Variants in TMEM131 observed in about 807,000 individuals in gnomAD.
The protein encoded by TMEM131 is 2610524E03Rik.
Under a neutral mutation model 211.6 loss-of-function variants are expected in TMEM131, and 66 were observed. The ratio of observed to expected loss-of-function variants is 0.31; its 90% CI spans 0.26 to 0.38. The LOEUF is 0.38. Ranked by LOEUF, TMEM131 falls within the 10% of genes least tolerant of loss-of-function variation. TMEM131 has a pLI of 1.00. For synonymous variants in TMEM131, 844 were observed against 841.3 expected (o/e 1.00, Z -0.06); for missense variants, 2,036 against 2,299.3 (o/e 0.89, Z 2.34).
intron 40 of TMEM131, among the ~76,000 whole-genome samples, chr2:97,758,201 C>T (rs1678609572): frequency 1.3e-5 from 2 of 151,816 alleles, no homozygotes; most frequent in Admixed American, 1.3e-4. Context: ...AAACATAAGG[C>T]TGAATAATTA....
intron 4 of TMEM131, among the ~76,000 whole-genome samples, chr2:97,885,960 C>T (rs1390432889): frequency 6.6e-6 from 1 of 151,994 alleles, no homozygotes; most frequent in Non-Finnish European, 1.5e-5. Flanking sequence ...GCTTTCTTCA[C>T]CCTTTTTTCT....
chr2:97,761,297 G>A (rs542444446), intron 36 of TMEM131: 7 of 177,924 alleles, frequency 3.9e-5, no homozygotes, highest in Non-Finnish European at 7.2e-5. Context: ...GCCAGGACAC[G>A]GCGAGGTGCT....
chr2:97,924,331 T>C (rs1676887031), intron 2 of TMEM131, among the ~76,000 whole-genome samples: 1 of 152,144 alleles, frequency 6.6e-6, no homozygotes, highest in African/African-American at 2.4e-5. Flanking sequence ...TGCAGTGAGC[T>C]GTCATTGCGC....
chr2:97,995,416 C>T, intron 1 of TMEM131, 60 bp downstream of exon 1: 1 of 1,301,122 alleles, frequency 7.7e-7, no homozygotes, highest in South Asian at 2.2e-5. Context: ...CCAGCCCTCC[C>T]GGCCTCCGCG....
chr2:97,823,286 T>C (rs1302758358), intron 11 of TMEM131, among the ~76,000 whole-genome samples: 2 of 152,114 alleles, frequency 1.3e-5, no homozygotes, highest in Admixed American at 6.5e-5. Context: ...CTTCAAGCTG[T>C]AGGGGGAGAG....
chr2:97,787,199 C>T (rs767768065), intron 31 of TMEM131, among the ~76,000 whole-genome samples: 1 of 152,170 alleles, frequency 6.6e-6, no homozygotes, highest in African/African-American at 2.4e-5. Context: ...ACATTTACTT[C>T]GTCTTTATCT....
intron 4 of TMEM131, among the ~76,000 whole-genome samples, chr2:97,875,395 C>A (rs1674652925): frequency 6.6e-6 from 1 of 152,168 alleles, no homozygotes; most frequent in South Asian, 2.1e-4. Flanking sequence ...AACTCTCCAC[C>A]CCTAATCAAC....
At chr2:97,920,968 CGAGTGT>C (rs1345298041) in intron 2 of TMEM131, among the ~76,000 whole-genome samples, 5 of 101,534 alleles carry the variant, frequency 4.9e-5, no homozygotes, top group Admixed American at 1.0e-4. Context: ...TAAAAAATCC[CGAGTGT>C]GTGTGTGTGT....
intron 1 of TMEM131, among the ~76,000 whole-genome samples, chr2:97,964,083 C>T (rs1678936584): frequency 6.6e-6 from 1 of 152,146 alleles, no homozygotes. Context: ...CATTCACATT[C>T]CTGAATGTTC....
intron 18 of TMEM131, among the ~76,000 whole-genome samples, chr2:97,810,458 A>T (rs1681499007): frequency 6.6e-6 from 1 of 151,984 alleles, no homozygotes; most frequent in Admixed American, 6.6e-5. Flanking sequence ...TTATAATTAC[A>T]TTTTTTTTCC....
chr2:97,804,482 G>T (rs1221625936), intron 22 of TMEM131, among the ~76,000 whole-genome samples: 1 of 151,986 alleles, frequency 6.6e-6, no homozygotes, highest in Admixed American at 6.6e-5. Context: ...GGCCAACATG[G>T]TGAAACCCTA....
At chr2:97,970,484 T>C (rs879015765) in intron 1 of TMEM131, among the ~76,000 whole-genome samples, 4 of 152,260 alleles carry the variant, frequency 2.6e-5, no homozygotes, top group Admixed American at 6.5e-5. Flanking sequence ...CTATTAAGCA[T>C]GTTTATGCCC....
chr2:97,757,448 G>A (rs1166568517), intron 40 of TMEM131, 65 bp from the exon 41 acceptor site: 10 of 1,503,554 alleles, frequency 6.7e-6, no homozygotes, highest in African/African-American at 1.4e-5. Context: ...GGGTAAGGGG[G>A]TAAGGCTACA....
chr2:97,812,348 G>A, intron 17 of TMEM131, 73 bp downstream of exon 17: 1 of 1,471,246 alleles, frequency 6.8e-7, no homozygotes. Context: ...GATACATGTA[G>A]CATAGCAATG....
intron 3 of TMEM131, among the ~76,000 whole-genome samples, chr2:97,903,701 ATTTATTTT>A (rs1400217356): frequency 6.6e-6 from 1 of 152,070 alleles, no homozygotes; most frequent in Non-Finnish European, 1.5e-5. Context: ...TTATTTATTT[ATTTATTTT>A]GAGAGGGAGT....
chr2:97,919,838 G>A (rs1176762144), intron 2 of TMEM131, among the ~76,000 whole-genome samples: 1 of 152,294 alleles, frequency 6.6e-6, no homozygotes, highest in Admixed American at 6.5e-5. Context: ...CCAAAGTACT[G>A]GGATTACAGG....
At chr2:97,809,309 C>G (rs192899613) in intron 19 of TMEM131, among the ~76,000 whole-genome samples, 1 of 152,208 alleles carries the variant, frequency 6.6e-6, no homozygotes, top group Non-Finnish European at 1.5e-5. Context: ...CCCTGTTGAG[C>G]TTGCGCCCTG....
intron 1 of TMEM131, among the ~76,000 whole-genome samples, chr2:97,940,847 T>C (rs1024164518): frequency 6.6e-6 from 1 of 150,876 alleles, no homozygotes; most frequent in Non-Finnish European, 1.5e-5. Flanking sequence ...TGGAAGAACA[T>C]TCCATGCTCA....
At chr2:97,775,741 T>G (rs1559351519) in intron 32 of TMEM131, 102 bp downstream of exon 32, 5 of 1,298,788 alleles carry the variant, frequency 3.8e-6, no homozygotes, top group Non-Finnish European at 4.2e-6. Context: ...ATTTAAACAT[T>G]ACTTTTGTAC....
Sources: gnomAD v4.1 joint callset for allele counts (sites outside exome capture counted in the v4.1 genomes callset) on GRCh38, gnomAD v4.1.1 for gene constraint, MANE v1.5 for transcripts, NCBI Gene and HGNC (gene_info 2026-07-23, HGNC 2026-07-21) for gene names.